The following MUTYH variants were observed in gnomAD, a reference collection of about 807,000 sequenced individuals.
MUTYH encodes mutY DNA glycosylase.
In MUTYH, 64 loss-of-function variants were observed where a neutral mutation model predicts 72.9. That is an observed-to-expected ratio of 0.88 (90% CI 0.72 to 1.08). The LOEUF (loss-of-function observed/expected upper bound fraction) is 1.08. Among genes scored for constraint, MUTYH ranks in the 50% least tolerant of loss-of-function variants. The pLI, the probability that MUTYH is intolerant of heterozygous loss-of-function variation, is 0.00. For synonymous variants in MUTYH, 234 were observed against 263.1 expected (o/e 0.89, Z 1.07); for missense variants, 633 against 671.0 (o/e 0.94, Z 0.63).
At position 45,332,411 on chromosome 1, in the gene MUTYH, G is replaced by A. The variant is rs372916108; in HGVS notation, c.684C>T (p.Thr228=). 5.0e-6 allele frequency: 8 copies of A among 1,614,050 alleles called. No homozygotes were observed. Among genetic ancestry groups the A allele is most frequent in the South Asian group, 1.1e-5 (1 of 91,092 alleles). Residue 228 remains threonine (T), a synonymous_variant, in exon 9 of 16, where the codon ACC becomes ACT. Transcript: ENST00000456914. ...VRAIGADPSS[T]LVSQQLWGLA... Reference sequence around the variant, plus strand: ...CCTACCAGAGCTGCTGGGAAACAAGGGTGCTGCTGGGATCAGCACCAATGG... The same window carrying A: ...CCTACCAGAGCTGCTGGGAAACAAGAGTGCTGCTGGGATCAGCACCAATGG...
intron 11 of MUTYH, 37 bp from the exon 12 acceptor site, chr1:45,331,886 G>A (rs1172204043): frequency 8.7e-6 from 14 of 1,604,102 alleles, no homozygotes; most frequent in Admixed American, 1.7e-5. Flanking sequence ...CTCAAGCCAA[G>A]AGGGCTTTAG....
chr1:45,334,280 C>T, intron 2 of MUTYH, 111 bp downstream of exon 2: 2 of 1,533,090 alleles, frequency 1.3e-6, no homozygotes, highest in South Asian at 1.1e-5. Flanking sequence ...TGAGCCACCG[C>T]ACCTGGCCCT....
chr1:45,340,288 T>C, upstream of MUTYH: 1 of 1,613,286 alleles, frequency 6.2e-7, no homozygotes, highest in Non-Finnish European at 8.5e-7. Flanking sequence ...CAGTTTCAGC[T>C]CCCGCAGCTT....
rs141679570 is a variant in MUTYH, at chr1:45,334,419, G to A, written c.87C>T (p.Asn29=). ...QEGRQKHAKN[N]SQAKPSACDG... is the part of the protein sequence containing the mutation. ...CACAGGCAGAAGGCTTGGCCTGACT[G>A]TTGTTCTTAGCATGCTTCTGCCTCC... The change falls in exon 2 of 16, where the codon AAC becomes AAT. Residue 29 remains asparagine (N), a synonymous_variant. Transcript: ENST00000456914. 123 of 1,614,048 alleles carry A rather than the reference G, an allele frequency of 7.6e-5. No individual in the cohort carries two copies. The highest frequency in any genetic ancestry group is 9.7e-5 in the Non-Finnish European group (114 of 1,180,028).
chr1:45,339,742 C>T lies in MUTYH; in HGVS notation c.-7+157G>A, dbSNP rs1646664021. The stretch of plus-strand genomic sequence containing the variant: ...CTTTCACTTTCTGGAGATCACTGAG[C>T]TCTCCATCCTCTCTGGGAATTTACC... On this transcript the variant is annotated intron_variant, in intron 1 of 15. Coordinates refer to ENST00000456914, the MANE Select transcript of MUTYH (RefSeq NM_001048174.2). 8.4e-6 allele frequency: 8 copies of T among 957,970 alleles called. No individual in the cohort carries two copies. In the South Asian group the frequency reaches 1.1e-4, roughly 13 times the overall value. 59.3% of individuals were successfully genotyped at this position (957,970 alleles called of 1,614,324 possible).
At position 45,334,429 on chromosome 1, in the gene MUTYH, G is replaced by T. The variant is rs1060501338; in HGVS notation, c.77C>A (p.Ala26Asp). The T allele has an allele frequency of 6.2e-7, 1 of 1,614,146 alleles. No individual in the cohort carries two copies. The highest frequency in any genetic ancestry group is 8.5e-7 in the Non-Finnish European group (1 of 1,180,020). Reference sequence around the variant, plus strand: ...AGGCTTGGCCTGACTGTTGTTCTTAGCATGCTTCTGCCTCCCTTCCTGGCT... The same window carrying T: ...AGGCTTGGCCTGACTGTTGTTCTTATCATGCTTCTGCCTCCCTTCCTGGCT... ...AASQEGRQKH[A>D]KNNSQAKPSA... The change falls in exon 2 of 16, where the codon GCT (alanine) becomes GAT (aspartate). Residue 26 changes from alanine to aspartate, a missense_variant. Transcript: ENST00000456914.
chr1:45,338,753 TTGTTTG>T (rs777237618), intron 1 of MUTYH: 9 of 117,568 alleles, frequency 7.7e-5, no homozygotes, highest in Admixed American at 1.7e-4. Context: ...TGTTTTTTTT[TTGTTTG>T]TTTGTTTTGT....
At position 45,330,588 on chromosome 1, in the gene MUTYH, G is replaced by A. The variant is rs781432742; in HGVS notation, c.1393-31C>T. On this transcript the variant is annotated intron_variant, in intron 14 of 15. Coordinates refer to ENST00000456914, the MANE Select transcript of MUTYH (RefSeq NM_001048174.2). Reference sequence around the variant, plus strand: ...CAAGAAGACAGGGAGGTGAGGGCTGGCACTTTTTGCAAAAGAGATAAACCG... The same window carrying A: ...CAAGAAGACAGGGAGGTGAGGGCTGACACTTTTTGCAAAAGAGATAAACCG... 2.5e-6 allele frequency: 4 copies of A among 1,597,606 alleles called. No individual in the cohort carries two copies. In the Admixed American group the frequency reaches 6.9e-5, roughly 28 times the overall value.
intron 2 of MUTYH, 112 bp from the exon 3 acceptor site, chr1:45,333,673 A>C: frequency 1.4e-6 from 2 of 1,470,670 alleles, no homozygotes; most frequent in Non-Finnish European, 1.8e-6. Context: ...CCCCCAACTA[A>C]CCCCCTTAAG....
chr1:45,339,986 C>T (rs1570584160), upstream of MUTYH: 3 of 1,533,622 alleles, frequency 2.0e-6, no homozygotes, highest in East Asian at 7.6e-5. Context: ...CTCCCGCGAG[C>T]TCTAGCGCGC....
chr1:45,330,187 C>G, intron 15 of MUTYH: 1 of 252,670 alleles, frequency 4.0e-6, no homozygotes, highest in East Asian at 7.8e-5. Flanking sequence ...GAGCCGAGAT[C>G]GGGCCACTGC....
At chr1:45,340,041 G>C (rs1221502004), upstream of MUTYH, 3 of 1,540,592 alleles carry the variant, frequency 1.9e-6, no homozygotes, top group East Asian at 2.5e-5. Flanking sequence ...GGGTCCACCC[G>C]GGCTGCGAGC....
rs560739226 is a variant in MUTYH, at chr1:45,339,917, A to G, written c.-25T>C. The G allele has an allele frequency of 8.5e-5, 123 of 1,441,196 alleles. No individual in the cohort carries two copies. In the East Asian group the frequency reaches 3.7e-3, roughly 43 times the overall value. The allele number at this position is 1,441,196 out of a possible 1,614,324, so 89.3% of individuals were successfully genotyped here. A position where few individuals can be genotyped will look rare whatever the true frequency, so the allele number is the denominator to read the frequency against. On this transcript the variant is annotated 5_prime_UTR_variant, in exon 1 of 16. Coordinates refer to ENST00000456914, the MANE Select transcript of MUTYH (RefSeq NM_001048174.2). ...CCGCTACCCGCGGCCCACGCTGATG[A>G]AGACAGCAGAACACGGAGGCCCCGC...
At chr1:45,339,029 G>A (rs1030597337) in intron 1 of MUTYH, among the ~76,000 whole-genome samples, 1 of 152,004 alleles carries the variant, frequency 6.6e-6, no homozygotes, top group Non-Finnish European at 1.5e-5. Context: ...GGCCTCCTAA[G>A]ATGATTACAG....
chr1:45,332,980 A>G (rs1645237627), intron 5 of MUTYH, 21 bp from the exon 6 acceptor site: 2 of 1,614,054 alleles, frequency 1.2e-6, no homozygotes, highest in Non-Finnish European at 1.7e-6. Flanking sequence ...AGGCAGGCAG[A>G]AAGAGACAAG....
rs1402419034 is a variant in MUTYH at position 45,331,351 on chromosome 1, G to A, written c.1240-17C>T. On this transcript the variant is annotated splice_polypyrimidine_tract_variant and intron_variant, in intron 13 of 15. Coordinates refer to ENST00000456914, the MANE Select transcript of MUTYH (RefSeq NM_001048174.2). The stretch of plus-strand genomic sequence containing the variant: ...GTGGACAACCTGGAGGAAGGGTCAA[G>A]GGGTTCAAATAGGCCTGTGGATATA... 2 of 1,614,238 alleles carry A rather than the reference G, an allele frequency of 1.2e-6. No homozygotes were observed. Among genetic ancestry groups the A allele is most frequent in the East Asian group, 2.2e-5 (1 of 44,870 alleles).
In MUTYH at chr1:45,332,247, C is replaced by T. The variant is rs2149139238; in HGVS notation, c.768G>A (p.Glu256=). 1 of 1,614,164 alleles carries T rather than the reference C, an allele frequency of 6.2e-7. No individual in the cohort carries two copies. Among genetic ancestry groups the T allele is most frequent in the Non-Finnish European group, 8.5e-7 (1 of 1,180,006 alleles). Residue 256 remains glutamate (E), a synonymous_variant, in exon 10 of 16, where the codon GAG becomes GAA. Coordinates refer to ENST00000456914, the MANE Select transcript of MUTYH (RefSeq NM_001048174.2). ...GTGGGGTACACACTGTGGCCCCTAGCTCCATGGCTGCTTGGTTGAAATCTC... is the reference window on the plus strand; with the variant it reads ...GTGGGGTACACACTGTGGCCCCTAGTTCCATGGCTGCTTGGTTGAAATCTC... ...RPGDFNQAAM[E]LGATVCTPQR... is the part of the protein sequence containing the mutation.
rs201103359 is a variant in MUTYH at position 45,332,929 on chromosome 1, C to T, written c.409G>A (p.Ala137Thr). 1.9e-5 allele frequency: 30 copies of T among 1,614,164 alleles called. No homozygotes were observed. Among genetic ancestry groups the T allele is most frequent in the East Asian group, 1.8e-4 (8 of 44,880 alleles). Residue 137 changes from alanine to threonine, a missense_variant, in exon 6 of 16, where the codon GCT (alanine) becomes ACT (threonine). Ala to Thr is a moderately conservative substitution (Grantham distance 58, BLOSUM62 0). Transcript: ENST00000456914. ...AGGGTGGCTCTCACCTCCAGGGAAG[C>T]ACTGGCCAGGTCCTGCAGTGTAGGC... ...KWPTLQDLAS[A>T]SLEEVNQLWA...
intron 1 of MUTYH, among the ~76,000 whole-genome samples, chr1:45,337,889 A>G (rs539944974): frequency 5.9e-5 from 9 of 152,246 alleles, no homozygotes; most frequent in Non-Finnish European, 8.8e-5. Flanking sequence ...AATAATGAAC[A>G]TAAGTAAATT....
Sources: allele counts gnomAD v4.1 joint callset (sites outside exome capture counted in the v4.1 genomes callset), GRCh38; gene constraint gnomAD v4.1.1; transcripts MANE v1.5; gene names NCBI Gene and HGNC (gene_info 2026-07-23, HGNC 2026-07-21).